ADGRL2: variants seen among roughly 807,000 people sequenced by gnomAD.
ADGRL2 encodes adhesion G protein-coupled receptor L2, also known as calcium-independent alpha-latrotoxin receptor 2.
A neutral mutation model predicts 157.4 loss-of-function variants in ADGRL2; 44 were observed. That is an observed-to-expected ratio of 0.28 (90% CI 0.22 to 0.36). The LOEUF (loss-of-function observed/expected upper bound fraction) is 0.36. Ranked by LOEUF, ADGRL2 falls within the 10% of genes least tolerant of loss-of-function variation. The pLI is 1.00. For synonymous variants in ADGRL2, 585 were observed against 624.7 expected (o/e 0.94, Z 0.95); for missense variants, 1,510 against 1,768.9 (o/e 0.85, Z 2.63).
chr1:81,874,604 T>C (rs2093780881), intron 2 of ADGRL2, among the ~76,000 whole-genome samples: 1 of 147,424 alleles, frequency 6.8e-6, no homozygotes, highest in Admixed American at 7.0e-5. Flanking sequence ...TCTTGTCTTG[T>C]CTTGTTTGTC....
intron 1 of ADGRL2, among the ~76,000 whole-genome samples, chr1:81,385,622 T>C (rs1421243497): frequency 2.0e-5 from 3 of 151,920 alleles, no homozygotes; most frequent in African/African-American, 7.2e-5. Flanking sequence ...CTAGATAATA[T>C]TTAATGAAAC....
intron 2 of ADGRL2, among the ~76,000 whole-genome samples, chr1:81,472,667 G>A (rs2078196212): frequency 6.6e-6 from 1 of 152,028 alleles, no homozygotes; most frequent in African/African-American, 2.4e-5. Context: ...GAAAGGGAAA[G>A]GAATCTTGCA....
chr1:81,586,706 G>A (rs1246175903), intron 3 of ADGRL2, among the ~76,000 whole-genome samples: 1 of 152,022 alleles, frequency 6.6e-6, no homozygotes, highest in Admixed American at 6.6e-5. Context: ...AATTAAATTG[G>A]CATTCAGAGT....
chr1:81,824,967 C>CTT (rs1553162236), intron 1 of ADGRL2, among the ~76,000 whole-genome samples: 22 of 150,494 alleles, frequency 1.5e-4, no homozygotes, highest in South Asian at 2.1e-4. Flanking sequence ...CTCTCTCTCT[C>CTT]TCTCTCTCTC....
At chr1:81,407,634 T>C (rs12751525) in intron 1 of ADGRL2, among the ~76,000 whole-genome samples, 1 of 152,086 alleles carries the variant, frequency 6.6e-6, no homozygotes, top group African/African-American at 2.4e-5. Flanking sequence ...ATAGGAGAGA[T>C]GCATTCTCAT....
In ADGRL2 at chr1:81,754,136, T is replaced by C. The variant is rs370477623; in HGVS notation, c.-142-7675T>C. 3.3e-5 allele frequency among the ~76,000 whole-genome samples: 5 copies of C among 152,210 alleles called. No individual in the cohort carries two copies. The South Asian group carries it at 6.2e-4, about 19-fold the overall frequency. ...AACTAAAAAATGCCAATAAGGCTTCTTGGACTTAATAGACTCCTTCCCTCC... is the reference window on the plus strand; with the variant it reads ...AACTAAAAAATGCCAATAAGGCTTCCTGGACTTAATAGACTCCTTCCCTCC... On this transcript the variant is annotated intron_variant, in intron 1 of 20. Transcript: ENST00000359929.
At chr1:81,834,815 C>G (rs2092180532) in intron 1 of ADGRL2, among the ~76,000 whole-genome samples, 1 of 152,068 alleles carries the variant, frequency 6.6e-6, no homozygotes, top group Non-Finnish European at 1.5e-5. Context: ...CAACCACTTA[C>G]ATGGTCTCAT....
At chr1:81,685,377 A>ATTTTT (rs35249825) in intron 3 of ADGRL2, among the ~76,000 whole-genome samples, 5 of 146,348 alleles carry the variant, frequency 3.4e-5, no homozygotes, top group African/African-American at 1.2e-4. Flanking sequence ...ATTGCTAAGT[A>ATTTTT]TTTTTTTTTT....
At chr1:81,925,558 TAA>T (rs79070762) in intron 3 of ADGRL2, among the ~76,000 whole-genome samples, 11,929 of 143,104 alleles carry the variant, frequency 0.083, 462 homozygotes, top group South Asian at 0.11. Flanking sequence ...CCCTCTTGAT[TAA>T]AAAAAAAAAA....
chr1:81,404,777 C>A (rs188609650), intron 1 of ADGRL2, among the ~76,000 whole-genome samples: 75 of 152,268 alleles, frequency 4.9e-4, no homozygotes, highest in African/African-American at 1.7e-3. Flanking sequence ...ATTTCTTACT[C>A]TTCCTCTTCC....
intron 3 of ADGRL2, among the ~76,000 whole-genome samples, chr1:81,924,532 G>C (rs1377347250): frequency 6.6e-6 from 1 of 152,146 alleles, no homozygotes; most frequent in African/African-American, 2.4e-5. Context: ...ATGTTTAGGA[G>C]AGAGATCTTT....
At chr1:81,719,449 C>A (rs1229983337) in intron 1 of ADGRL2, among the ~76,000 whole-genome samples, 1 of 152,178 alleles carries the variant, frequency 6.6e-6, no homozygotes, top group Non-Finnish European at 1.5e-5. Flanking sequence ...CTCAATCCTG[C>A]TTCTTTCTCT....
At chr1:81,706,394 G>A (rs1251922934) in intron 1 of ADGRL2, among the ~76,000 whole-genome samples, 2 of 151,974 alleles carry the variant, frequency 1.3e-5, no homozygotes, top group East Asian at 3.9e-4. Context: ...GAAAAAATAG[G>A]AAACATAGGA....
intron 6 of ADGRL2, among the ~76,000 whole-genome samples, chr1:81,949,676 C>A (rs947494339): frequency 6.6e-6 from 1 of 152,156 alleles, no homozygotes; most frequent in Admixed American, 6.5e-5. Context: ...CAGGCAAGAA[C>A]GGCTGCTGGG....
chr1:81,394,546 T>G (rs1403673703), intron 1 of ADGRL2, among the ~76,000 whole-genome samples: 7 of 152,196 alleles, frequency 4.6e-5, no homozygotes, highest in Non-Finnish European at 1.0e-4. Flanking sequence ...AGGATTTTAT[T>G]CTGTTGTATG....
At chr1:81,647,598 CT>C (rs35625987) in intron 3 of ADGRL2, among the ~76,000 whole-genome samples, 1 of 152,152 alleles carries the variant, frequency 6.6e-6, no homozygotes. Context: ...CATGTTTAGA[CT>C]TTGGTCCCAT....
At chr1:81,412,701 T>G (rs1331164605) in intron 1 of ADGRL2, among the ~76,000 whole-genome samples, 1 of 152,198 alleles carries the variant, frequency 6.6e-6, no homozygotes, top group Non-Finnish European at 1.5e-5. Flanking sequence ...AATTGATAAA[T>G]ACTTGGTTGC....
intron 2 of ADGRL2, among the ~76,000 whole-genome samples, chr1:81,570,010 C>G (rs1358457657): frequency 6.6e-6 from 1 of 152,110 alleles, no homozygotes; most frequent in Non-Finnish European, 1.5e-5. Context: ...TTCCAAAGAG[C>G]TGCTTGAGTG....
intron 2 of ADGRL2, among the ~76,000 whole-genome samples, chr1:81,551,337 A>G (rs1557452077): frequency 6.6e-6 from 1 of 152,160 alleles, no homozygotes; most frequent in African/African-American, 2.4e-5. Flanking sequence ...TTCAGAAGAC[A>G]GCTTTTGTCG....
Sources: gnomAD v4.1 joint callset for allele counts (sites outside exome capture counted in the v4.1 genomes callset) on GRCh38, gnomAD v4.1.1 for gene constraint, MANE v1.5 for transcripts, NCBI Gene and HGNC (gene_info 2026-07-23, HGNC 2026-07-21) for gene names.